CYP2C19: variants seen among roughly 807,000 people sequenced by gnomAD.
The protein encoded by CYP2C19 is cytochrome P450 family 2 subfamily C member 19.
A neutral mutation model predicts 40.9 loss-of-function variants in CYP2C19; 59 were observed. That is an observed-to-expected ratio of 1.44 (90% CI 1.17 to 1.79). The LOEUF (loss-of-function observed/expected upper bound fraction) is 1.79, where lower values mean the gene tolerates loss of function less well. Among genes scored for constraint, CYP2C19 ranks in the 40% most tolerant of loss-of-function variants. CYP2C19 has a pLI of 0.00. For synonymous variants in CYP2C19, 253 were observed against 208.7 expected (o/e 1.21, Z -1.83); for missense variants, 754 against 596.9 (o/e 1.26, Z -2.74).
chr10:94,809,223 T>G (rs1330596036), intron 5 of CYP2C19, among the ~76,000 whole-genome samples: 1 of 152,194 alleles, frequency 6.6e-6, no homozygotes. Flanking sequence ...GTTTTCCATT[T>G]GTATGTCTTC....
chr10:94,816,484 C>T (rs1465706360), intron 5 of CYP2C19, among the ~76,000 whole-genome samples: 2 of 152,026 alleles, frequency 1.3e-5, no homozygotes, highest in African/African-American at 4.8e-5. Flanking sequence ...TTTATAACTC[C>T]ATGCTGTTTT....
chr10:94,774,712 T>C, intron 1 of CYP2C19: 1 of 228,722 alleles, frequency 4.4e-6, no homozygotes, highest in Non-Finnish European at 8.6e-6. Flanking sequence ...AAGTTTCAAA[T>C]TTGGGTCTTC....
chr10:94,766,098 G>A (rs1196908820), intron 1 of CYP2C19, among the ~76,000 whole-genome samples: 1 of 152,062 alleles, frequency 6.6e-6, no homozygotes, highest in Non-Finnish European at 1.5e-5. Flanking sequence ...AGTTGGAAAG[G>A]GTCTTTTCCG....
chr10:94,811,209 C>T (rs1365887425), intron 5 of CYP2C19, among the ~76,000 whole-genome samples: 1 of 152,104 alleles, frequency 6.6e-6, no homozygotes, highest in Non-Finnish European at 1.5e-5. Flanking sequence ...GTTTCTTAAT[C>T]CCGAGTTTTA....
chr10:94,839,603 T>C (rs1418784746), intron 6 of CYP2C19, among the ~76,000 whole-genome samples: 1 of 152,256 alleles, frequency 6.6e-6, no homozygotes, highest in African/African-American at 2.4e-5. Flanking sequence ...GTGTATTGAA[T>C]CTTTTGAGTC....
rs535997114 is a variant in CYP2C19 at position 94,783,347 on chromosome 10, G to A, written c.819+1350G>A. Among the ~76,000 whole-genome samples, 390 of 152,172 alleles carry A rather than the reference G, an allele frequency of 2.6e-3. 2 individuals are homozygous for A. Among genetic ancestry groups the A allele is most frequent in the African/African-American group, 9.0e-3 (375 of 41,550 alleles). On this transcript the variant is annotated intron_variant, in intron 5 of 8. Coordinates refer to ENST00000371321, the MANE Select transcript of CYP2C19 (RefSeq NM_000769.4). ...ATATTTGCAGTGAGAGTCAGAAGAG[G>A]GGTTTCAGATGGGTTGGAATGCTTT...
chr10:94,802,955 A>G (rs1230687977), intron 5 of CYP2C19, among the ~76,000 whole-genome samples: 1 of 152,076 alleles, frequency 6.6e-6, no homozygotes, highest in Admixed American at 6.6e-5. Flanking sequence ...TGAGAAATCC[A>G]CTGTTACTCT....
At chr10:94,813,122 C>G (rs1339947914) in intron 5 of CYP2C19, among the ~76,000 whole-genome samples, 1 of 152,014 alleles carries the variant, frequency 6.6e-6, no homozygotes, top group South Asian at 2.1e-4. Flanking sequence ...AACAGTCAGG[C>G]CCTTCTGCTG....
intron 1 of CYP2C19, among the ~76,000 whole-genome samples, chr10:94,765,836 A>G (rs1848233349): frequency 6.6e-6 from 1 of 152,110 alleles, no homozygotes; most frequent in Non-Finnish European, 1.5e-5. Flanking sequence ...TTGAAGTTGT[A>G]GGGTGTAATT....
intron 6 of CYP2C19, among the ~76,000 whole-genome samples, chr10:94,836,013 T>C (rs1187372465): frequency 1.3e-5 from 2 of 152,210 alleles, no homozygotes; most frequent in African/African-American, 4.8e-5. Flanking sequence ...TGGTGTAGGT[T>C]TGAGCAATTA....
intron 7 of CYP2C19, among the ~76,000 whole-genome samples, chr10:94,845,744 C>A (rs1241618168): frequency 6.6e-6 from 1 of 152,042 alleles, no homozygotes; most frequent in Non-Finnish European, 1.5e-5. Context: ...ATCTTAAAAA[C>A]ATTTTAATAT....
intron 5 of CYP2C19, among the ~76,000 whole-genome samples, chr10:94,801,978 G>C (rs145848815): frequency 6.6e-6 from 1 of 152,298 alleles, no homozygotes; most frequent in African/African-American, 2.4e-5. Context: ...AAAGAACAAA[G>C]CTTTGACATC....
chr10:94,783,145 C>G (rs926265779), intron 5 of CYP2C19, among the ~76,000 whole-genome samples: 1 of 151,870 alleles, frequency 6.6e-6, no homozygotes, highest in Non-Finnish European at 1.5e-5. Context: ...CAAGGGGAAA[C>G]AAAATGCAGG....
Position 94,826,163 on chromosome 10 carries a change from A to G in CYP2C19, c.961+5526A>G, listed in dbSNP as rs1282307682. Among the ~76,000 whole-genome samples, 21 of 152,096 alleles carry G rather than the reference A, an allele frequency of 1.4e-4. No individual in the cohort carries two copies. The East Asian group carries it at 4.1e-3, about 30-fold the overall frequency. ...CGGGCTCTTTTTTGGTTCCATATGA[A>G]CTTTAAAGTAGTTTTTTCCAATTCT... On this transcript the variant is annotated intron_variant, in intron 6 of 8. Coordinates refer to ENST00000371321, the MANE Select transcript of CYP2C19 (RefSeq NM_000769.4).
chr10:94,788,652 T>G (rs1184380845), intron 5 of CYP2C19, among the ~76,000 whole-genome samples: 1 of 152,188 alleles, frequency 6.6e-6, no homozygotes, highest in Non-Finnish European at 1.5e-5. Flanking sequence ...TCCAGCTACA[T>G]CCATGTCCCT....
Position 94,762,741 on chromosome 10 carries a change from A to G in CYP2C19, c.36A>G (p.Ser12=), listed in dbSNP as rs1202106669. The G allele has an allele frequency of 6.2e-7, 1 of 1,613,900 alleles. No individual in the cohort carries two copies. The highest frequency in any genetic ancestry group is 8.5e-7 in the Non-Finnish European group (1 of 1,179,916). ...TTGTGGTCCTTGTGCTCTGTCTCTC[A>G]TGTTTGCTTCTCCTTTCAATCTGGA... The part of the protein sequence containing the change: ...DPFVVLVLCL[S]CLLLLSIWRQ... The change falls in exon 1 of 9, where the codon TCA becomes TCG. Residue 12 remains serine (S), a synonymous_variant. Coordinates refer to ENST00000371321, the MANE Select transcript of CYP2C19 (RefSeq NM_000769.4).
chr10:94,820,264 ACAAACCCACAGC>A (rs1420514891), intron 5 of CYP2C19, among the ~76,000 whole-genome samples: 4 of 152,076 alleles, frequency 2.6e-5, no homozygotes, highest in Non-Finnish European at 5.9e-5. Flanking sequence ...GCTATCTATG[ACAAACCCACAGC>A]CAATATCATA....
In CYP2C19 at chr10:94,852,996, T is replaced by C. The variant is rs17882796; in HGVS notation, c.*82T>C. On this transcript the variant is annotated 3_prime_UTR_variant, in exon 9 of 9. Transcript: ENST00000371321. The stretch of plus-strand genomic sequence containing the variant: ...GTCCAAATTTCACTATCTGTGATGC[T>C]TCTTCTGACCCGTCATCTCACATTT... The C allele has an allele frequency of 6.8e-4, 972 of 1,427,880 alleles. 4 individuals carry two copies. The African/African-American group carries it at 0.012, about 17-fold the overall frequency. The allele number at this position is 1,427,880 out of a possible 1,614,324, so 88.5% of individuals were successfully genotyped here.
At chr10:94,785,697 A>G (rs1157532384) in intron 5 of CYP2C19, among the ~76,000 whole-genome samples, 2 of 152,152 alleles carry the variant, frequency 1.3e-5, no homozygotes, top group Non-Finnish European at 2.9e-5. Flanking sequence ...ACCCTAAATC[A>G]TTGTCTGGCA....
Sources: gnomAD v4.1 joint callset for allele counts (sites outside exome capture counted in the v4.1 genomes callset) on GRCh38, gnomAD v4.1.1 for gene constraint, MANE v1.5 for transcripts, NCBI Gene and HGNC (gene_info 2026-07-23, HGNC 2026-07-21) for gene names.